The following RSRP1 variants were observed in gnomAD, a reference collection of about 807,000 sequenced individuals.
RSRP1 encodes the protein arginine/serine-rich protein 1.
In RSRP1, 37 loss-of-function variants were observed where a neutral mutation model predicts 33.0. That is an observed-to-expected ratio of 1.12 (90% CI 0.86 to 1.48). The LOEUF is 1.48. Among genes scored for constraint, RSRP1 ranks in the 40% most tolerant of loss-of-function variants. The probability of loss-of-function intolerance (pLI) is 0.00; values close to 1 mark genes in which losing one functional copy is unlikely to be tolerated. For synonymous variants in RSRP1, 167 were observed against 158.7 expected (o/e 1.05, Z -0.40); for missense variants, 402 against 385.3 (o/e 1.04, Z -0.36).
intron 1 of RSRP1, among the ~76,000 whole-genome samples, chr1:25,310,152 A>G (rs1458862359): frequency 7.5e-6 from 1 of 132,580 alleles, no homozygotes; most frequent in East Asian, 2.0e-4. Flanking sequence ...AGCATCAGTC[A>G]GTTTTGTCTG....
At position 25,311,928 on chromosome 1, in the gene RSRP1, G is replaced by A. The variant is rs1644171370; in HGVS notation, c.-67+26050C>T. ...GTGCTGTGAACAGCCACCCCAGAGA[G>A]CCCCTAGTAGAGCAGGGTCTAGTGG... On this transcript the variant is annotated intron_variant, in intron 1 of 1. Coordinates refer to the RSRP1 transcript ENST00000561867. Among the ~76,000 whole-genome samples the A allele has an allele frequency of 1.5e-5, 2 of 130,880 alleles. 1 individual carries two copies. The highest frequency in any genetic ancestry group is 3.9e-4 in the East Asian group (2 of 5,138). The allele number at this position is 130,880 out of a possible 152,430, so 85.9% of individuals were successfully genotyped here. A position where few individuals can be genotyped will look rare whatever the true frequency, so the allele number is the denominator to read the frequency against.
chr1:25,261,154 G>A (rs1034114251), intron 1 of RSRP1, among the ~76,000 whole-genome samples: 15 of 152,142 alleles, frequency 9.9e-5, no homozygotes, highest in South Asian at 2.1e-4. Flanking sequence ...CCACCCTCAT[G>A]ACCTCATTTG....
At position 25,286,785 on chromosome 1, in the gene RSRP1, CA is replaced by C. The variant is rs1212852710; in HGVS notation, c.-66-39757del. Among the ~76,000 whole-genome samples the C allele has an allele frequency of 2.7e-3, 300 of 110,206 alleles. 22 individuals are homozygous for C. Among genetic ancestry groups the C allele is most frequent in the African/African-American group, 8.6e-3 (250 of 29,064 alleles). 72.3% of individuals were successfully genotyped at this position (110,206 alleles called of 152,430 possible). A position where few individuals can be genotyped will look rare whatever the true frequency, so the allele number is the denominator to read the frequency against. ...TGGGTGACAGAGCGAGACTCCGTCT[CA>C]AAAAAAAAAAACAAAAACAGTTTTA... is the stretch of plus-strand genomic sequence containing the variant. On this transcript the variant is annotated intron_variant, in intron 1 of 1. Transcript: ENST00000561867.
intron 4 of RSRP1, 22 bp from the exon 5 acceptor site, chr1:25,242,727 C>T: frequency 3.4e-6 from 5 of 1,480,800 alleles, no homozygotes; most frequent in South Asian, 1.2e-5. Context: ...CAAATTCAGT[C>T]AGCTTCCCAA....
chr1:25,306,286 A>G (rs187489674), intron 1 of RSRP1, among the ~76,000 whole-genome samples: 1 of 131,930 alleles, frequency 7.6e-6, no homozygotes, highest in East Asian at 2.0e-4. Flanking sequence ...ATCAGCTGAA[A>G]TTGTGAACAG....
chr1:25,311,323 A>G (rs1357780815), intron 1 of RSRP1, among the ~76,000 whole-genome samples: 1 of 132,010 alleles, frequency 7.6e-6, no homozygotes, highest in African/African-American at 2.6e-5. Context: ...TCAGCTGAGA[A>G]CACTGAGAGT....
In RSRP1 at chr1:25,301,948, T is replaced by C. The variant is rs1389917672; in HGVS notation, c.-67+36030A>G. ...ATGCTAACATGAAACAGACCTCAGTTTGAACCCCATTTCTGCTAGTTGCTA... is the reference window on the plus strand; with the variant it reads ...ATGCTAACATGAAACAGACCTCAGTCTGAACCCCATTTCTGCTAGTTGCTA... On this transcript the variant is annotated intron_variant, in intron 1 of 1. Transcript: ENST00000561867. Among the ~76,000 whole-genome samples the C allele has an allele frequency of 2.3e-5, 3 of 130,374 alleles. 1 individual carries two copies. The highest frequency in any genetic ancestry group is 5.5e-5 in the Non-Finnish European group (3 of 54,854). The allele number at this position is 130,374 out of a possible 152,430, so 85.5% of individuals were successfully genotyped here.
At chr1:25,247,194 G>A (rs2124543740) in intron 1 of RSRP1, 115 bp downstream of exon 1, 1 of 478,462 alleles carries the variant, frequency 2.1e-6, no homozygotes. Flanking sequence ...CTGAGGCCGC[G>A]GCCTTGAAGC....
chr1:25,284,553 G>A lies in RSRP1; in HGVS notation c.-66-37524C>T, dbSNP rs747381815. On this transcript the variant is annotated intron_variant, in intron 1 of 1. Transcript: ENST00000561867. The stretch of plus-strand genomic sequence containing the variant: ...CGTCTGCTTCCCCCTCGTCCTTCTC[G>A]CCATCTCCCCACCGAGCAGTTGGCC... The A allele has an allele frequency of 7.2e-5, 100 of 1,387,498 alleles. 14 individuals carry two copies. Among genetic ancestry groups the A allele is most frequent in the African/African-American group, 3.2e-4 (23 of 71,268 alleles). 85.9% of individuals were successfully genotyped at this position (1,387,498 alleles called of 1,614,324 possible).
chr1:25,242,824 C>T lies in RSRP1; in HGVS notation c.757-119G>A, dbSNP rs1043420822. 23 of 697,144 alleles carry T rather than the reference C, an allele frequency of 3.3e-5. 1 individual carries two copies. Among genetic ancestry groups the T allele is most frequent in the Middle Eastern group, 4.1e-4 (1 of 2,424 alleles). 43.2% of individuals were successfully genotyped at this position (697,144 alleles called of 1,614,324 possible). ...TAGAGATATTATCAATTGCTGGGCGCGGTGGCTCACGCCTGTAATCCCAGC... is the reference window on the plus strand; with the variant it reads ...TAGAGATATTATCAATTGCTGGGCGTGGTGGCTCACGCCTGTAATCCCAGC... On this transcript the variant is annotated intron_variant, in intron 4 of 4. Coordinates refer to ENST00000243189, the MANE Select transcript of RSRP1 (RefSeq NM_020317.5).
chr1:25,250,504 T>C (rs1049288970), upstream of RSRP1, among the ~76,000 whole-genome samples: 2 of 152,234 alleles, frequency 1.3e-5, no homozygotes, highest in Non-Finnish European at 2.9e-5. Context: ...TTCATTATGG[T>C]TGGCAAACCA....
Position 25,298,666 on chromosome 1 carries a change from T to C in RSRP1, c.-67+39312A>G, listed in dbSNP as rs1557537326. Among the ~76,000 whole-genome samples the C allele has an allele frequency of 1.5e-5, 2 of 132,134 alleles. 1 individual carries two copies. The highest frequency in any genetic ancestry group is 3.6e-5 in the Non-Finnish European group (2 of 56,016). The allele number at this position is 132,134 out of a possible 152,430, so 86.7% of individuals were successfully genotyped here. ...TCTTTATGTATGACTGAGGGCTTTTTACCATCATTTGTTCCCTTCACAAAT... is the reference window on the plus strand; with the variant it reads ...TCTTTATGTATGACTGAGGGCTTTTCACCATCATTTGTTCCCTTCACAAAT... On this transcript the variant is annotated intron_variant, in intron 1 of 1. Transcript: ENST00000561867.
upstream of RSRP1, among the ~76,000 whole-genome samples, chr1:25,249,988 C>A (rs1416431116): frequency 2.0e-5 from 3 of 152,152 alleles, no homozygotes; most frequent in Non-Finnish European, 4.4e-5. Context: ...TTGTGGAGTC[C>A]TTTATTAGCC....
intron 3 of RSRP1, 194 bp from the exon 4 acceptor site, chr1:25,243,827 C>A (rs1571505969): frequency 1.5e-6 from 2 of 1,300,598 alleles, no homozygotes; most frequent in African/African-American, 3.0e-5. Flanking sequence ...TTAAGACACT[C>A]TTCCCATAAT....
upstream of RSRP1, among the ~76,000 whole-genome samples, chr1:25,248,877 G>A (rs900565512): frequency 2.0e-5 from 3 of 152,112 alleles, no homozygotes; most frequent in Non-Finnish European, 4.4e-5. Flanking sequence ...GGCCAGTCGC[G>A]GTGGCTCACG....
At chr1:25,274,812 G>C (rs78744232) in intron 1 of RSRP1, among the ~76,000 whole-genome samples, 1 of 133,604 alleles carries the variant, frequency 7.5e-6, no homozygotes, top group Admixed American at 7.2e-5. Context: ...TTCGAGACCA[G>C]CCTGGCCAAC....
At chr1:25,249,593 C>T (rs1639713679), upstream of RSRP1, among the ~76,000 whole-genome samples, 3 of 152,126 alleles carry the variant, frequency 2.0e-5, no homozygotes, top group Admixed American at 6.5e-5. Context: ...CTGCCTGCCT[C>T]GGCCTCCCAA....
At position 25,300,614 on chromosome 1, in the gene RSRP1, A is replaced by G. The variant is rs1412364925; in HGVS notation, c.-67+37364T>C. On this transcript the variant is annotated intron_variant, in intron 1 of 1. Transcript: ENST00000561867. ...CGCCTGAGGTCAGGAGTTTGAGACC[A>G]GCCTGGCAAACACGGTGAAACCCCA... Among the ~76,000 whole-genome samples, 2 of 130,792 alleles carry G rather than the reference A, an allele frequency of 1.5e-5. 1 individual carries two copies. The highest frequency in any genetic ancestry group is 3.6e-5 in the Non-Finnish European group (2 of 55,488). The allele number at this position is 130,792 out of a possible 152,430, so 85.8% of individuals were successfully genotyped here. A position where few individuals can be genotyped will look rare whatever the true frequency, so the allele number is the denominator to read the frequency against.
rs369966420 is a variant in RSRP1, at chr1:25,245,105, G to A, written c.672+45C>T. 9 of 1,613,866 alleles carry A rather than the reference G, an allele frequency of 5.6e-6. No homozygotes were observed. In the African/African-American group the frequency reaches 6.7e-5, roughly 12 times the overall value. On this transcript the variant is annotated intron_variant, in intron 3 of 4. Coordinates refer to ENST00000243189, the MANE Select transcript of RSRP1 (RefSeq NM_020317.5). ...TATAAGTGGCTAATCAGATTTGACA[G>A]TTGGCTTTCTGAAAGTTTTGTTCCG...
Sources: allele counts gnomAD v4.1 joint callset (sites outside exome capture counted in the v4.1 genomes callset), GRCh38; gene constraint gnomAD v4.1.1; transcripts MANE v1.5; gene names NCBI Gene and HGNC (gene_info 2026-07-23, HGNC 2026-07-21).